Variants in ZNF609 observed in about 807,000 individuals in gnomAD.
ZNF609 encodes the protein zinc finger protein 609.
A neutral mutation model predicts 109.5 loss-of-function variants in ZNF609; 11 were observed. The ratio of observed to expected loss-of-function variants is 0.10; its 90% CI spans 0.06 to 0.17. The LOEUF (loss-of-function observed/expected upper bound fraction) is 0.17. ZNF609 is among the 10% of genes least tolerant of loss of function. ZNF609 has a pLI of 1.00. For missense variants in ZNF609, 1,559 were observed against 1,772.4 expected (o/e 0.88, Z 2.16); for synonymous variants, 646 against 662.0 (o/e 0.98, Z 0.37).
intron 2 of ZNF609, among the ~76,000 whole-genome samples, chr15:64,526,278 GT>G (rs1051997269): frequency 2.4e-4 from 37 of 151,976 alleles, no homozygotes; most frequent in African/African-American, 8.4e-4. Context: ...AAATACTATT[GT>G]TTTATATGTA....
chr15:64,668,822 G>A (rs1263136520), intron 3 of ZNF609, among the ~76,000 whole-genome samples: 2 of 151,630 alleles, frequency 1.3e-5, no homozygotes, highest in African/African-American at 4.8e-5. Flanking sequence ...GGGTGGTGGT[G>A]CATGCCTATA....
intron 2 of ZNF609, among the ~76,000 whole-genome samples, chr15:64,516,199 A>G (rs949035883): frequency 2.0e-5 from 3 of 152,094 alleles, no homozygotes; most frequent in Admixed American, 2.0e-4. Flanking sequence ...TTCCTGTTTT[A>G]TATCTAATAA....
intron 3 of ZNF609, among the ~76,000 whole-genome samples, chr15:64,630,091 C>CTTTTTTTTTTTTTTTTTTT (rs200425813): frequency 7.0e-6 from 1 of 143,062 alleles, no homozygotes. Flanking sequence ...TCCTAATTTT[C>CTTTTTTTTTTTTTTTTTTT]TTTTTTCTTT....
At chr15:64,598,962 T>G (rs192048447) in intron 2 of ZNF609, among the ~76,000 whole-genome samples, 155 of 150,672 alleles carry the variant, frequency 1.0e-3, no homozygotes, top group Non-Finnish European at 1.1e-3. Flanking sequence ...TGTTCAACTC[T>G]CTCATCTTTG....
chr15:64,608,724 C>CGTGTGT (rs34519391), intron 2 of ZNF609, among the ~76,000 whole-genome samples: 12,162 of 148,412 alleles, frequency 0.082, 1,797 homozygotes, highest in East Asian at 0.77. Context: ...TGCATGCATG[C>CGTGTGT]GTGTGTGTGT....
chr15:64,555,549 C>A (rs748298877), intron 2 of ZNF609, among the ~76,000 whole-genome samples: 58 of 150,166 alleles, frequency 3.9e-4, no homozygotes, highest in Non-Finnish European at 6.8e-4. Context: ...CTGTTGTAAT[C>A]CCAGTTACTT....
intron 2 of ZNF609, among the ~76,000 whole-genome samples, chr15:64,506,058 T>C (rs1014631017): frequency 6.6e-5 from 10 of 152,198 alleles, no homozygotes; most frequent in African/African-American, 4.8e-5. Context: ...TTTGCACTTA[T>C]TTACTGAGTG....
At chr15:64,671,907 A>C (rs886183390) in intron 4 of ZNF609, among the ~76,000 whole-genome samples, 4 of 151,812 alleles carry the variant, frequency 2.6e-5, no homozygotes, top group African/African-American at 9.7e-5. Flanking sequence ...TCTTGATTCC[A>C]TACCACTTTC....
chr15:64,618,661 C>A (rs940914100), intron 2 of ZNF609, among the ~76,000 whole-genome samples: 2 of 152,208 alleles, frequency 1.3e-5, no homozygotes, highest in African/African-American at 4.8e-5. Context: ...ACTCAGCGGC[C>A]CAGGCTCTTC....
intron 2 of ZNF609, among the ~76,000 whole-genome samples, chr15:64,588,148 G>A (rs1895228183): frequency 6.6e-6 from 1 of 151,160 alleles, no homozygotes; most frequent in Non-Finnish European, 1.5e-5. Flanking sequence ...GAAGGGGAAG[G>A]CCGGGTGCGG....
chr15:64,592,910 T>TACATAAATTACATAAATTA (rs1454350685), intron 2 of ZNF609: 1 of 746,798 alleles, frequency 1.3e-6, no homozygotes, highest in Non-Finnish European at 2.2e-6. Flanking sequence ...AAGACTCTTG[T>TACATAAATTACATAAATTA]CTCAAAAAAT....
intron 2 of ZNF609, among the ~76,000 whole-genome samples, chr15:64,505,812 T>C (rs1893627846): frequency 6.6e-6 from 1 of 152,066 alleles, no homozygotes; most frequent in Non-Finnish European, 1.5e-5. Flanking sequence ...ACACCAGCCT[T>C]CTAAACTTGA....
intron 1 of ZNF609, among the ~76,000 whole-genome samples, chr15:64,498,458 A>C (rs1893514117): frequency 6.6e-6 from 1 of 152,226 alleles, no homozygotes; most frequent in Non-Finnish European, 1.5e-5. Flanking sequence ...TCAGTATTAC[A>C]TGAGAAAGTG....
chr15:64,542,101 T>C (rs1034362025), intron 2 of ZNF609, among the ~76,000 whole-genome samples: 3 of 151,952 alleles, frequency 2.0e-5, no homozygotes, highest in Non-Finnish European at 2.9e-5. Context: ...CTGGGCAACA[T>C]AGGGAGACCC....
intron 3 of ZNF609, chr15:64,631,111 A>G: frequency 1.9e-6 from 1 of 516,698 alleles, no homozygotes; most frequent in Non-Finnish European, 3.7e-6. Context: ...AACACCCATT[A>G]TGCTGTGAAT....
chr15:64,576,000 G>A (rs1159741623), intron 2 of ZNF609, among the ~76,000 whole-genome samples: 1 of 152,162 alleles, frequency 6.6e-6, no homozygotes, highest in Non-Finnish European at 1.5e-5. Context: ...TACTTGGGAG[G>A]CTGAGGCAGG....
intron 2 of ZNF609, among the ~76,000 whole-genome samples, chr15:64,548,203 C>T (rs945343240): frequency 1.3e-5 from 2 of 152,114 alleles, no homozygotes; most frequent in Admixed American, 6.6e-5. Flanking sequence ...GTTACAAACA[C>T]AAAGTAGGAA....
In ZNF609 at chr15:64,573,528, T is replaced by A. The variant is rs186182176; in HGVS notation, c.748-49299T>A. Among the ~76,000 whole-genome samples, 1,326 of 148,278 alleles carry A rather than the reference T, an allele frequency of 8.9e-3. 24 individuals are homozygous for A. Among genetic ancestry groups the A allele is most frequent in the African/African-American group, 0.031 (1,264 of 40,746 alleles). ...CGCCACCATGTCTGGCTAATTTAAT[T>A]TTTTTTTTTTTGTATTTTTAGTAGA... is the stretch of plus-strand genomic sequence containing the variant. On this transcript the variant is annotated intron_variant, in intron 2 of 9. Transcript: ENST00000326648.
intron 1 of ZNF609, among the ~76,000 whole-genome samples, chr15:64,469,052 A>C (rs1273473321): frequency 7.4e-6 from 1 of 134,544 alleles, no homozygotes; most frequent in African/African-American, 2.6e-5. Context: ...AAAAAAAAAA[A>C]AAAACAACAC....
Sources: allele counts gnomAD v4.1 joint callset (sites outside exome capture counted in the v4.1 genomes callset), GRCh38; gene constraint gnomAD v4.1.1; transcripts MANE v1.5; gene names NCBI Gene and HGNC (gene_info 2026-07-23, HGNC 2026-07-21).